Variants in TMEFF2 observed in about 807,000 individuals in gnomAD.
TMEFF2 encodes the protein transmembrane protein with EGF like and two follistatin like domains 2, also known as tomoregulin-2.
TMEFF2 carries 28 observed loss-of-function variants against 53.8 expected under a neutral mutation model. The ratio of observed to expected loss-of-function variants is 0.52; its 90% confidence interval spans 0.39 to 0.71. The LOEUF (loss-of-function observed/expected upper bound fraction) is 0.71. Ranked by LOEUF, TMEFF2 falls within the 30% of genes least tolerant of loss-of-function variation. The pLI is 0.00. For missense variants in TMEFF2, 353 were observed against 455.2 expected (o/e 0.78, Z 2.04); for synonymous variants, 162 against 166.3 (o/e 0.97, Z 0.20).
chr2:192,164,694 C>T (rs927048137), intron 4 of TMEFF2, among the ~76,000 whole-genome samples: 9 of 150,418 alleles, frequency 6.0e-5, no homozygotes, highest in African/African-American at 2.2e-4. Context: ...TGCCACCGCA[C>T]TCCAGCCTGG....
At chr2:192,057,852 T>A in intron 4 of TMEFF2, 77 bp from the exon 5 acceptor site, 1 of 1,173,622 alleles carries the variant, frequency 8.5e-7, no homozygotes, top group Non-Finnish European at 1.3e-6. Context: ...ATTCTTTAAT[T>A]AAAGCTGCTA....
At chr2:192,186,160 C>A (rs1435027205) in intron 2 of TMEFF2, among the ~76,000 whole-genome samples, 1 of 152,142 alleles carries the variant, frequency 6.6e-6, no homozygotes, top group African/African-American at 2.4e-5. Flanking sequence ...GAGCTTTTCA[C>A]TAATCTTTTG....
chr2:192,149,371 G>C (rs1690330001), intron 4 of TMEFF2, among the ~76,000 whole-genome samples: 2 of 151,952 alleles, frequency 1.3e-5, no homozygotes, highest in Admixed American at 6.6e-5. Flanking sequence ...GTGTATACAA[G>C]AATGAGAGAG....
chr2:192,090,145 C>T lies in TMEFF2; in HGVS notation c.440-32370G>A, dbSNP rs1161872623. Among the ~76,000 whole-genome samples, 37 of 152,118 alleles carry T rather than the reference C, an allele frequency of 2.4e-4. 1 individual carries two copies. The highest frequency in any genetic ancestry group is 2.4e-3 in the Admixed American group (37 of 15,256). ...TTCCTCTTGCCTTATGAATGATAAACTTGACTGTAAAATCTTTCAGATTGG... is the reference window on the plus strand; with the variant it reads ...TTCCTCTTGCCTTATGAATGATAAATTTGACTGTAAAATCTTTCAGATTGG... On this transcript the variant is annotated intron_variant, in intron 4 of 9. Coordinates refer to ENST00000272771, the MANE Select transcript of TMEFF2 (RefSeq NM_016192.4).
intron 5 of TMEFF2, among the ~76,000 whole-genome samples, chr2:192,003,080 A>C (rs558534964): frequency 3.5e-4 from 53 of 152,214 alleles, no homozygotes; most frequent in Non-Finnish European, 6.5e-4. Flanking sequence ...TGATTGAATT[A>C]TCTTTGCAAT....
At chr2:192,122,906 G>C (rs76696009) in intron 4 of TMEFF2, among the ~76,000 whole-genome samples, 1 of 152,172 alleles carries the variant, frequency 6.6e-6, no homozygotes, top group East Asian at 1.9e-4. Context: ...ATTTGAACCA[G>C]AAATGCAATT....
intron 4 of TMEFF2, among the ~76,000 whole-genome samples, chr2:192,126,084 C>A (rs1689670516): frequency 6.6e-6 from 1 of 152,096 alleles, no homozygotes; most frequent in South Asian, 2.1e-4. Flanking sequence ...AGTGGATATA[C>A]TCAAATGCAA....
chr2:192,106,427 T>C (rs1465324473), intron 4 of TMEFF2, among the ~76,000 whole-genome samples: 2 of 151,788 alleles, frequency 1.3e-5, no homozygotes, highest in Non-Finnish European at 3.0e-5. Context: ...AGAATAAATG[T>C]ATAACTTGAT....
intron 3 of TMEFF2, among the ~76,000 whole-genome samples, chr2:192,183,039 A>G (rs1559161568): frequency 6.6e-6 from 1 of 151,980 alleles, no homozygotes; most frequent in South Asian, 2.1e-4. Flanking sequence ...CCAAGCAGCA[A>G]TGACCTGTTT....
At chr2:192,108,732 C>G (rs1016059778) in intron 4 of TMEFF2, among the ~76,000 whole-genome samples, 7 of 152,014 alleles carry the variant, frequency 4.6e-5, no homozygotes, top group South Asian at 4.1e-4. Flanking sequence ...ATTATTCAAA[C>G]AGATACCTGT....
At chr2:191,973,413 A>G in intron 7 of TMEFF2, among the ~76,000 whole-genome samples, 1 of 152,298 alleles carries the variant, frequency 6.6e-6, no homozygotes, top group South Asian at 2.1e-4. Flanking sequence ...ATTTATATAT[A>G]TGTGTGTGTA....
chr2:192,163,411 T>A (rs557691343), intron 4 of TMEFF2, among the ~76,000 whole-genome samples: 4 of 152,234 alleles, frequency 2.6e-5, no homozygotes, highest in Non-Finnish European at 5.9e-5. Flanking sequence ...GCAATTTGAT[T>A]ATATCTGATT....
intron 7 of TMEFF2, among the ~76,000 whole-genome samples, chr2:191,982,151 G>A (rs928246577): frequency 4.0e-5 from 6 of 151,648 alleles, no homozygotes; most frequent in African/African-American, 1.5e-4. Context: ...CCATATTTAT[G>A]CAAATTCTGG....
intron 7 of TMEFF2, 109 bp downstream of exon 7, chr2:191,998,153 A>G (rs1245589668): frequency 1.7e-5 from 14 of 827,254 alleles, no homozygotes; most frequent in Non-Finnish European, 2.2e-5. Context: ...AGGCTAGCAC[A>G]TGTTAGAAGT....
At chr2:192,033,977 C>T (rs1687211792) in intron 5 of TMEFF2, among the ~76,000 whole-genome samples, 1 of 151,878 alleles carries the variant, frequency 6.6e-6, no homozygotes, top group South Asian at 2.1e-4. Flanking sequence ...AGATTGAGAC[C>T]ATCCTGGCTA....
intron 7 of TMEFF2, among the ~76,000 whole-genome samples, chr2:191,973,268 C>T (rs1692700821): frequency 6.6e-6 from 1 of 151,874 alleles, no homozygotes; most frequent in African/African-American, 2.4e-5. Flanking sequence ...AGGTTTTCTA[C>T]TTGCCAAAAG....
intron 4 of TMEFF2, among the ~76,000 whole-genome samples, chr2:192,129,229 G>T (rs1423625872): frequency 6.6e-6 from 1 of 152,050 alleles, no homozygotes; most frequent in Non-Finnish European, 1.5e-5. Context: ...ACATATTCTG[G>T]ATTGATTTTC....
chr2:192,193,978 T>G (rs1691538375), intron 1 of TMEFF2, among the ~76,000 whole-genome samples: 1 of 152,208 alleles, frequency 6.6e-6, no homozygotes, highest in Non-Finnish European at 1.5e-5. Flanking sequence ...TTCCTCATCC[T>G]AGTAAGACTT....
chr2:192,151,120 C>G (rs1471897691), intron 4 of TMEFF2, among the ~76,000 whole-genome samples: 1 of 151,794 alleles, frequency 6.6e-6, no homozygotes, highest in African/African-American at 2.4e-5. Context: ...CTTGCTCACT[C>G]TCTCTCATCT....
Sources: gnomAD v4.1 joint callset for allele counts (sites outside exome capture counted in the v4.1 genomes callset) on GRCh38, gnomAD v4.1.1 for gene constraint, MANE v1.5 for transcripts, NCBI Gene and HGNC (gene_info 2026-07-23, HGNC 2026-07-21) for gene names.